MAGI2: variants seen among roughly 807,000 people sequenced by gnomAD.
The protein encoded by MAGI2 is membrane-associated guanylate kinase, WW and PDZ domain-containing protein 2.
A neutral mutation model predicts 133.3 loss-of-function variants in MAGI2; 35 were observed. The observed-to-expected ratio is 0.26, with a 90% CI of 0.20 to 0.35. MAGI2 has a LOEUF of 0.35. Among genes scored for constraint, MAGI2 ranks in the 10% least tolerant of loss-of-function variants. MAGI2 has a pLI of 1.00. For missense variants in MAGI2, 1,636 were observed against 1,863.4 expected (o/e 0.88, Z 2.25); for synonymous variants, 729 against 710.6 (o/e 1.03, Z -0.41).
At chr7:78,132,023 T>C (rs995606304) in intron 18 of MAGI2, among the ~76,000 whole-genome samples, 3 of 152,126 alleles carry the variant, frequency 2.0e-5, no homozygotes, top group African/African-American at 7.2e-5. Flanking sequence ...TACAGGCGTG[T>C]ACCACCACAA....
intron 20 of MAGI2, among the ~76,000 whole-genome samples, chr7:78,095,392 C>G (rs1419874213): frequency 1.3e-5 from 2 of 152,142 alleles, no homozygotes; most frequent in Non-Finnish European, 2.9e-5. Flanking sequence ...AGCAAATGCC[C>G]CAACAGGCTG....
intron 3 of MAGI2, chr7:78,583,383 A>G: frequency 5.1e-6 from 1 of 196,228 alleles, no homozygotes; most frequent in South Asian, 6.7e-5. Flanking sequence ...CTGTGGTCCC[A>G]GCTACTTGAG....
At chr7:78,412,690 G>T (rs1797972987) in intron 6 of MAGI2, among the ~76,000 whole-genome samples, 1 of 152,016 alleles carries the variant, frequency 6.6e-6, no homozygotes. Flanking sequence ...TGCAACATTA[G>T]GTTAGGCAAC....
chr7:79,150,072 A>G (rs10270594), intron 1 of MAGI2, among the ~76,000 whole-genome samples: 1 of 152,144 alleles, frequency 6.6e-6, no homozygotes, highest in Non-Finnish European at 1.5e-5. Context: ...TTTGTGTGGC[A>G]GAAAGATGGC....
At chr7:79,127,392 T>C (rs1218657442) in intron 1 of MAGI2, among the ~76,000 whole-genome samples, 2 of 152,082 alleles carry the variant, frequency 1.3e-5, no homozygotes, top group Non-Finnish European at 2.9e-5. Flanking sequence ...TCCACAATGG[T>C]TGAACTAGTT....
rs1554473312 is a variant in MAGI2 at position 78,557,097 on chromosome 7, A to AAG, written c.539-35453_539-35452insCT. Among the ~76,000 whole-genome samples the AAG allele has an allele frequency of 4.0e-4, 56 of 139,010 alleles. 1 individual carries two copies. Among genetic ancestry groups the AAG allele is most frequent in the African/African-American group, 1.7e-3 (56 of 33,618 alleles). The allele number at this position is 139,010 out of a possible 152,430, so 91.2% of individuals were successfully genotyped here. A position where few individuals can be genotyped will look rare whatever the true frequency, so the allele number is the denominator to read the frequency against. Reference sequence around the variant, plus strand: ...CAGAGTCTCAAAAAAAAAAAAAAAAAAAAGAAAAAGAAAAAAAAAGAATTT... The same window carrying AAG: ...CAGAGTCTCAAAAAAAAAAAAAAAAAAGAAAGAAAAAGAAAAAAAAAGAATTT... On this transcript the variant is annotated intron_variant, in intron 3 of 21. Coordinates refer to ENST00000354212, the MANE Select transcript of MAGI2 (RefSeq NM_012301.4).
At chr7:78,719,711 G>A (rs552116685) in intron 2 of MAGI2, among the ~76,000 whole-genome samples, 3 of 152,296 alleles carry the variant, frequency 2.0e-5, no homozygotes, top group African/African-American at 4.8e-5. Flanking sequence ...ACCAAAGCAG[G>A]TGTTTGACAT....
chr7:78,881,818 T>C (rs1191822846), intron 2 of MAGI2, among the ~76,000 whole-genome samples: 1 of 151,932 alleles, frequency 6.6e-6, no homozygotes, highest in East Asian at 1.9e-4. Flanking sequence ...AGAAAGTTTA[T>C]AGCCCTAAAG....
At chr7:79,079,531 T>C (rs902842667) in intron 1 of MAGI2, among the ~76,000 whole-genome samples, 3 of 152,188 alleles carry the variant, frequency 2.0e-5, no homozygotes, top group African/African-American at 4.8e-5. Flanking sequence ...CAAAAGAAGA[T>C]AGTGCTTTCA....
At chr7:79,086,823 AG>A (rs1241404067) in intron 1 of MAGI2, among the ~76,000 whole-genome samples, 1 of 151,852 alleles carries the variant, frequency 6.6e-6, no homozygotes, top group East Asian at 1.9e-4. Context: ...AGTATGTAAA[AG>A]ATTCTATTAG....
At chr7:78,092,157 C>G (rs915518845) in intron 20 of MAGI2, among the ~76,000 whole-genome samples, 4 of 152,104 alleles carry the variant, frequency 2.6e-5, no homozygotes, top group Non-Finnish European at 5.9e-5. Flanking sequence ...AGTGAAAAAA[C>G]TCATGTCTCT....
At chr7:79,140,196 T>C (rs1223215758) in intron 1 of MAGI2, among the ~76,000 whole-genome samples, 1 of 152,238 alleles carries the variant, frequency 6.6e-6, no homozygotes, top group Non-Finnish European at 1.5e-5. Context: ...GCAATTTTTA[T>C]TTGTCACTGT....
chr7:78,661,194 G>A (rs983111936), intron 2 of MAGI2, among the ~76,000 whole-genome samples: 1 of 152,102 alleles, frequency 6.6e-6, no homozygotes, highest in African/African-American at 2.4e-5. Flanking sequence ...ACACAGGTAA[G>A]TAATCTGATC....
intron 3 of MAGI2, among the ~76,000 whole-genome samples, chr7:78,612,860 C>G (rs552833424): frequency 8.6e-5 from 13 of 151,908 alleles, no homozygotes; most frequent in African/African-American, 3.1e-4. Flanking sequence ...TTAGTAGAGA[C>G]GGGGTTTCAC....
chr7:78,545,622 C>T (rs531417121), intron 3 of MAGI2, among the ~76,000 whole-genome samples: 1 of 152,234 alleles, frequency 6.6e-6, no homozygotes, highest in Non-Finnish European at 1.5e-5. Flanking sequence ...AAATTGCTAA[C>T]CGCTATTTAA....
At chr7:79,121,495 C>T (rs1419249599) in intron 1 of MAGI2, among the ~76,000 whole-genome samples, 1 of 152,008 alleles carries the variant, frequency 6.6e-6, no homozygotes, top group Admixed American at 6.6e-5. Context: ...GGTAGCATTT[C>T]AGAGCCAATA....
intron 2 of MAGI2, among the ~76,000 whole-genome samples, chr7:78,704,685 T>G (rs1398372810): frequency 6.6e-6 from 1 of 151,838 alleles, no homozygotes; most frequent in Non-Finnish European, 1.5e-5. Flanking sequence ...TAAGGAAAAG[T>G]TAGTATATAT....
At position 78,983,298 on chromosome 7, in the gene MAGI2, A is replaced by G. The variant is rs1294820639; in HGVS notation, c.418+23792T>C. 2.0e-5 allele frequency among the ~76,000 whole-genome samples: 3 copies of G among 152,100 alleles called. No homozygotes were observed. In the East Asian group the frequency reaches 5.8e-4, roughly 30 times the overall value. ...ACATGGAAGTTCTGGACAAGAGGTAAATACATGTGCTTTTATATAGACTAT... is the reference window on the plus strand; with the variant it reads ...ACATGGAAGTTCTGGACAAGAGGTAGATACATGTGCTTTTATATAGACTAT... On this transcript the variant is annotated intron_variant, in intron 2 of 21. Coordinates refer to ENST00000354212, the MANE Select transcript of MAGI2 (RefSeq NM_012301.4).
At chr7:78,129,753 T>G (rs1046992919) in intron 18 of MAGI2, among the ~76,000 whole-genome samples, 1 of 151,904 alleles carries the variant, frequency 6.6e-6, no homozygotes, top group Non-Finnish European at 1.5e-5. Flanking sequence ...GAGACTAACA[T>G]GGAGAAACCC....
Sources: gnomAD v4.1 joint callset for allele counts (sites outside exome capture counted in the v4.1 genomes callset) on GRCh38, gnomAD v4.1.1 for gene constraint, MANE v1.5 for transcripts, NCBI Gene and HGNC (gene_info 2026-07-23, HGNC 2026-07-21) for gene names.